The following ITPRIP variants were observed in gnomAD, a reference collection of about 807,000 sequenced individuals.
The protein encoded by ITPRIP is inositol 1,4,5-trisphosphate receptor interacting protein, also known as inositol 1,4,5-trisphosphate receptor-interacting protein.
A neutral mutation model predicts 35.8 loss-of-function variants in ITPRIP; 32 were observed. That is an observed-to-expected ratio of 0.89 (90% CI 0.68 to 1.20). The LOEUF (loss-of-function observed/expected upper bound fraction) is 1.20. Among genes scored for constraint, ITPRIP ranks in the 50% most tolerant of loss-of-function variants. ITPRIP has a pLI of 0.00. For missense variants in ITPRIP, 653 were observed against 735.6 expected, an observed-to-expected ratio of 0.89 and a Z score of 1.30; for synonymous variants, 358 against 324.0, an observed-to-expected ratio of 1.11 and a Z score of -1.13.
At chr10:104,322,991 T>TA (rs1564864588) in intron 1 of ITPRIP, among the ~76,000 whole-genome samples, 1 of 152,054 alleles carries the variant, frequency 6.6e-6, no homozygotes, top group African/African-American at 2.4e-5. Context: ...ACACAGTTGT[T>TA]GGGGGGAAAT....
chr10:104,323,145 G>C (rs981860386), intron 1 of ITPRIP, among the ~76,000 whole-genome samples: 1 of 152,200 alleles, frequency 6.6e-6, no homozygotes, highest in African/African-American at 2.4e-5. Context: ...GTATCATCCC[G>C]TGGACCCTCC....
rs1190170409 is a variant in ITPRIP at position 104,321,590 on chromosome 10, C to T, written c.-13-5526G>A. 3.3e-5 allele frequency among the ~76,000 whole-genome samples: 5 copies of T among 152,196 alleles called. No individual in the cohort carries two copies. The South Asian group carries it at 1.0e-3, about 32-fold the overall frequency. On this transcript the variant is annotated intron_variant, in intron 1 of 1. Transcript: ENST00000337478. ...GCAGCACTCCCCACCATAGCTTAAT[C>T]CAATAAACACCACAAAGCATTGCCT...
intron 1 of ITPRIP, among the ~76,000 whole-genome samples, chr10:104,327,667 A>G (rs2014055898): frequency 6.6e-6 from 1 of 152,134 alleles, no homozygotes; most frequent in Non-Finnish European, 1.5e-5. Context: ...TGCACCAGGT[A>G]CCTCATGTAG....
At position 104,312,849 on chromosome 10, in the gene ITPRIP, G is replaced by A; in HGVS notation, c.*1559C>T. ...TTGGTTATGCTCTCGGGAAGGCATG[G>A]CCGGCTTAAACCCTGGAGGAACACG... On this transcript the variant is annotated 3_prime_UTR_variant, in exon 2 of 2. Transcript: ENST00000337478. The A allele has an allele frequency of 5.1e-6, 5 of 985,456 alleles. No homozygotes were observed. The highest frequency in any genetic ancestry group is 6.0e-6 in the Non-Finnish European group (5 of 829,962). 61.0% of individuals were successfully genotyped at this position (985,456 alleles called of 1,614,324 possible). A position where few individuals can be genotyped will look rare whatever the true frequency, so the allele number is the denominator to read the frequency against.
In ITPRIP at chr10:104,313,299, C is replaced by G; in HGVS notation, c.*1109G>C. 2 of 985,978 alleles carry G rather than the reference C, an allele frequency of 2.0e-6. No individual in the cohort carries two copies. The highest frequency in any genetic ancestry group is 2.4e-6 in the Non-Finnish European group (2 of 830,320). 61.1% of individuals were successfully genotyped at this position (985,978 alleles called of 1,614,324 possible). A position where few individuals can be genotyped will look rare whatever the true frequency, so the allele number is the denominator to read the frequency against. On this transcript the variant is annotated 3_prime_UTR_variant, in exon 2 of 2. Transcript: ENST00000337478. ...CCAGACTGCAAGCCAGACACCACCA[C>G]CCCGGGTAGCATTTTTGAGCACCTC...
chr10:104,327,219 C>T (rs1171424969), intron 1 of ITPRIP, among the ~76,000 whole-genome samples: 2 of 152,114 alleles, frequency 1.3e-5, no homozygotes, highest in Non-Finnish European at 2.9e-5. Flanking sequence ...CGTGTGCTGG[C>T]CAGCGTAGGC....
At position 104,326,140 on chromosome 10, in the gene ITPRIP, C is replaced by G. The variant is rs1026091094; in HGVS notation, c.-13-10076G>C. 6.6e-6 allele frequency among the ~76,000 whole-genome samples: 1 copy of G among 152,198 alleles called. No homozygotes were observed. The highest frequency in any genetic ancestry group is 1.5e-5 in the Non-Finnish European group (1 of 68,030). On this transcript the variant is annotated intron_variant, in intron 1 of 1. Coordinates refer to ENST00000337478, the MANE Select transcript of ITPRIP (RefSeq NM_001272013.2). This position sits in a 1 kb window ranked among gnomAD's most constrained non-coding sequence, Gnocchi z 4.8. Reference sequence around the variant, plus strand: ...CAAAGCATTAAGTGCTCTCAAGGCCCACTCTCGGGAGAGGGAGCGGTTTCA... The same window carrying G: ...CAAAGCATTAAGTGCTCTCAAGGCCGACTCTCGGGAGAGGGAGCGGTTTCA...
intron 1 of ITPRIP, among the ~76,000 whole-genome samples, chr10:104,316,366 C>T (rs1049423263): frequency 7.2e-5 from 11 of 152,176 alleles, no homozygotes; most frequent in African/African-American, 2.7e-4. Context: ...GATATACCCA[C>T]CTCCAAGCTC....
chr10:104,332,870 G>T (rs978344297), intron 1 of ITPRIP, among the ~76,000 whole-genome samples: 2 of 152,188 alleles, frequency 1.3e-5, no homozygotes, highest in African/African-American at 2.4e-5. Flanking sequence ...ATCTCCAGTT[G>T]GTCCTGCCTC....
intron 1 of ITPRIP, among the ~76,000 whole-genome samples, chr10:104,325,397 T>G (rs941730536): frequency 2.6e-5 from 4 of 152,178 alleles, no homozygotes; most frequent in Non-Finnish European, 5.9e-5. Context: ...CATGACTCCC[T>G]GAAATACTGG....
chr10:104,317,480 T>G (rs1412061026), intron 1 of ITPRIP, among the ~76,000 whole-genome samples: 1 of 152,236 alleles, frequency 6.6e-6, no homozygotes, highest in East Asian at 1.9e-4. Context: ...TGAGAGGCAC[T>G]GTCTTACGCT....
rs111376197 is a variant in ITPRIP, at chr10:104,336,350, C to A, written c.-14+1896G>T. On this transcript the variant is annotated intron_variant, in intron 1 of 1. Transcript: ENST00000337478. ...CTCAGCTCCCAGAACACTTGGAGCA[C>A]CCACCCCTTCCAAGCAGATTCTCCA... Among the ~76,000 whole-genome samples, 122 of 152,162 alleles carry A rather than the reference C, an allele frequency of 8.0e-4. 1 individual carries two copies. Among genetic ancestry groups the A allele is most frequent in the African/African-American group, 2.8e-3 (118 of 41,488 alleles).
rs1589885995 is a variant in ITPRIP, at chr10:104,314,736, T to G, written c.1316A>C (p.His439Pro). 6.2e-7 allele frequency: 1 copy of G among 1,613,660 alleles called. No homozygotes were observed. Among genetic ancestry groups the G allele is most frequent in the Non-Finnish European group, 8.5e-7 (1 of 1,179,884 alleles). ...GGCGGCCTGCCGGAGGAGTAGGAGG[T>G]GCAGTAGGGCCGTCTTCAGGTGGTA... The part of the protein sequence containing the change: ...SSYHLKTALL[H>P]LLLLRQAADW... The change falls in exon 2 of 2, where the codon CAC becomes CCC. Residue 439 changes from histidine to proline, a missense_variant. Transcript: ENST00000337478.
chr10:104,317,745 G>A (rs1444482711), intron 1 of ITPRIP, among the ~76,000 whole-genome samples: 1 of 152,182 alleles, frequency 6.6e-6, no homozygotes, highest in Non-Finnish European at 1.5e-5. Flanking sequence ...GCTTGAGCCC[G>A]ACCTGGAATT....
Position 104,312,812 on chromosome 10 carries a change from AC to A in ITPRIP, c.*1595del. 6 of 984,974 alleles carry A rather than the reference AC, an allele frequency of 6.1e-6. No individual in the cohort carries two copies. In the South Asian group the frequency reaches 2.8e-4, roughly 46 times the overall value. The allele number at this position is 984,974 out of a possible 1,614,324, so 61.0% of individuals were successfully genotyped here. ...CCTTCAGTTTGTGGGGTAACTGGGCACCCCTGTCAAGTTGGTTATGCTCTCG... is the reference window on the plus strand; with the variant it reads ...CCTTCAGTTTGTGGGGTAACTGGGCACCCTGTCAAGTTGGTTATGCTCTCG... On this transcript the variant is annotated 3_prime_UTR_variant, in exon 2 of 2. Coordinates refer to ENST00000337478, the MANE Select transcript of ITPRIP (RefSeq NM_001272013.2).
Position 104,315,825 on chromosome 10 carries a change from CCCT to C in ITPRIP, c.224_226del (p.Glu75del). 2 of 1,613,074 alleles carry C rather than the reference CCCT, an allele frequency of 1.2e-6. No individual in the cohort carries two copies. Among genetic ancestry groups the C allele is most frequent in the Middle Eastern group, 1.7e-4 (1 of 6,056 alleles). The stretch of plus-strand genomic sequence containing the variant: ...CACGCGTGTCTCGTTCTGCTGCCTG[CCCT>C]CCTCCGCCACCTGCTCCAGTGCCTC... On this transcript the variant is annotated inframe_deletion, in exon 2 of 2. Coordinates refer to ENST00000337478, the MANE Select transcript of ITPRIP (RefSeq NM_001272013.2). The surrounding 1 kb of genome is among the most constrained non-coding windows in gnomAD (Gnocchi z 5.7).
At position 104,323,785 on chromosome 10, in the gene ITPRIP, C is replaced by A. The variant is rs376572380; in HGVS notation, c.-13-7721G>T. Reference sequence around the variant, plus strand: ...CTCACGCCCCATGCTGCAGTGACACCAGCTTCCCATAGCACAAGGCCAGCT... The same window carrying A: ...CTCACGCCCCATGCTGCAGTGACACAAGCTTCCCATAGCACAAGGCCAGCT... On this transcript the variant is annotated intron_variant, in intron 1 of 1. Transcript: ENST00000337478. 1.7e-4 allele frequency among the ~76,000 whole-genome samples: 26 copies of A among 152,344 alleles called. No homozygotes were observed. The South Asian group carries it at 5.4e-3, about 32-fold the overall frequency.
rs555958308 is a variant in ITPRIP at position 104,313,193 on chromosome 10, G to T, written c.*1215C>A. The T allele has an allele frequency of 7.4e-5, 73 of 985,548 alleles. No individual in the cohort carries two copies. In the South Asian group the frequency reaches 3.0e-3, roughly 41 times the overall value. The allele number at this position is 985,548 out of a possible 1,614,324, so 61.1% of individuals were successfully genotyped here. On this transcript the variant is annotated 3_prime_UTR_variant, in exon 2 of 2. Transcript: ENST00000337478. ...TAGTTCTTGCTTCCATGCACACCCTGCCCTAGGATTGGGACCCTGAGGACA... is the reference window on the plus strand; with the variant it reads ...TAGTTCTTGCTTCCATGCACACCCTTCCCTAGGATTGGGACCCTGAGGACA...
chr10:104,320,536 T>C (rs1209753534), intron 1 of ITPRIP, among the ~76,000 whole-genome samples: 1 of 72,010 alleles, frequency 1.4e-5, no homozygotes, highest in Non-Finnish European at 2.8e-5. Flanking sequence ...CTGCCTGTAA[T>C]TTTTTTTTTT....
Sources: allele counts gnomAD v4.1 joint callset (sites outside exome capture counted in the v4.1 genomes callset), GRCh38; gene constraint gnomAD v4.1.1; non-coding constraint Gnocchi (gnomAD v3.1); transcripts MANE v1.5; gene names NCBI Gene and HGNC (gene_info 2026-07-23, HGNC 2026-07-21).